Variants in CLPX observed in about 807,000 individuals in gnomAD.
CLPX encodes ATP-dependent clpX-like chaperone, mitochondrial.
In CLPX, 34 loss-of-function variants were observed where a neutral mutation model predicts 76.4. The ratio of observed to expected loss-of-function variants is 0.45; its 90% CI spans 0.34 to 0.59. The LOEUF (loss-of-function observed/expected upper bound fraction) is 0.59. Ranked by LOEUF, CLPX falls within the 20% of genes least tolerant of loss-of-function variation. The probability of loss-of-function intolerance (pLI) is 0.01; values close to 1 mark genes in which losing one functional copy is unlikely to be tolerated. For missense variants in CLPX, 613 were observed against 757.0 expected (o/e 0.81, Z 2.23); for synonymous variants, 248 against 270.9 (o/e 0.92, Z 0.83).
intron 4 of CLPX, 61 bp from the exon 5 acceptor site, chr15:65,164,249 A>G: frequency 2.2e-6 from 3 of 1,362,924 alleles, no homozygotes; most frequent in Non-Finnish European, 2.0e-6. Context: ...CACACATTAA[A>G]AAGTTATTTA....
At chr15:65,174,675 C>T (rs957812092) in intron 3 of CLPX, among the ~76,000 whole-genome samples, 10 of 152,198 alleles carry the variant, frequency 6.6e-5, no homozygotes, top group African/African-American at 2.4e-4. Flanking sequence ...TACAGCTGTC[C>T]CTTGGCACAC....
At chr15:65,179,862 G>A (rs988918702) in intron 2 of CLPX, among the ~76,000 whole-genome samples, 182 bp downstream of exon 2, 2 of 152,150 alleles carry the variant, frequency 1.3e-5, no homozygotes, top group Non-Finnish European at 2.9e-5. Context: ...TATGTGCAAT[G>A]CTTATAAAAG....
chr15:65,152,405 G>T, intron 13 of CLPX, 25 bp downstream of exon 13: 3 of 1,215,556 alleles, frequency 2.5e-6, no homozygotes, highest in Admixed American at 2.5e-5. Flanking sequence ...TTTTGTATCT[G>T]TTCTGGCTTG....
At chr15:65,170,755 A>C (rs1336947593) in intron 3 of CLPX, among the ~76,000 whole-genome samples, 1 of 151,436 alleles carries the variant, frequency 6.6e-6, no homozygotes, top group East Asian at 2.0e-4. Flanking sequence ...AGGCAACAGA[A>C]CTCTGTCTCA....
intron 1 of CLPX, among the ~76,000 whole-genome samples, chr15:65,180,745 T>TA (rs1025242377): frequency 6.7e-5 from 10 of 149,804 alleles, no homozygotes; most frequent in African/African-American, 1.5e-4. Flanking sequence ...CTACTAAAAA[T>TA]AAAAAAAAAT....
At position 65,153,433 on chromosome 15, in the gene CLPX, G is replaced by A. The variant is rs1232595851; in HGVS notation, c.1704+114C>T. On this transcript the variant is annotated intron_variant, in intron 12 of 13. Coordinates refer to ENST00000300107, the MANE Select transcript of CLPX (RefSeq NM_006660.5). ...ATCGCACCACTGCACTCCTTTATTT[G>A]AGACTCTGTCTCAAAATATATATAC... is the stretch of plus-strand genomic sequence containing the variant. 1.6e-5 allele frequency: 11 copies of A among 703,142 alleles called. No homozygotes were observed. The African/African-American group carries it at 1.7e-4, about 11-fold the overall frequency. 43.6% of individuals were successfully genotyped at this position (703,142 alleles called of 1,614,324 possible). A position where few individuals can be genotyped will look rare whatever the true frequency, so the allele number is the denominator to read the frequency against.
chr15:65,178,817 T>G (rs192135822), intron 3 of CLPX, 117 bp downstream of exon 3: 88 of 491,630 alleles, frequency 1.8e-4, no homozygotes, highest in African/African-American at 1.5e-3. Context: ...ATTATAGGCA[T>G]AAGCCGTTTG....
At chr15:65,159,151 T>G (rs1459710690) in intron 6 of CLPX, among the ~76,000 whole-genome samples, 1 of 152,190 alleles carries the variant, frequency 6.6e-6, no homozygotes, top group Non-Finnish European at 1.5e-5. Context: ...TGTTTCCTAA[T>G]CAATAAAATC....
At chr15:65,168,078 A>G (rs2087942017) in intron 3 of CLPX, among the ~76,000 whole-genome samples, 1 of 151,586 alleles carries the variant, frequency 6.6e-6, no homozygotes. Context: ...TGAGGATAAA[A>G]AGAGTCTCTT....
At chr15:65,164,752 ATTC>A (rs891083274) in intron 4 of CLPX, among the ~76,000 whole-genome samples, 8 of 151,898 alleles carry the variant, frequency 5.3e-5, no homozygotes, top group African/African-American at 1.9e-4. Flanking sequence ...TAAAAACTGT[ATTC>A]TTATTTTTTT....
chr15:65,179,255 T>C (rs955071146), intron 2 of CLPX, among the ~76,000 whole-genome samples: 5 of 152,220 alleles, frequency 3.3e-5, no homozygotes, highest in African/African-American at 1.2e-4. Flanking sequence ...TAAATACATA[T>C]ATATCTGCAG....
rs2087919969 is a variant in CLPX at position 65,166,759 on chromosome 15, T to C, written c.385A>G (p.Lys129Glu). The change falls in exon 4 of 14, where the codon AAG (lysine) becomes GAG (glutamate). Residue 129 changes from lysine to glutamate, a missense_variant. This residue lies in a region of CLPX where 450 missense variants were observed against 638.6 expected (regional missense o/e 0.70). Coordinates refer to ENST00000300107, the MANE Select transcript of CLPX (RefSeq NM_006660.5). Reference sequence around the variant, plus strand: ...AGCACAACAAAAAAATGATGACACTTTTCACACTTGACAAAACGGGTGGAT... The same window carrying C: ...AGCACAACAAAAAAATGATGACACTCTTCACACTTGACAAAACGGGTGGAT... ...VSSTRFVKCE[K>E]CHHFFVVLSE... 4 of 1,613,456 alleles carry C rather than the reference T, an allele frequency of 2.5e-6. No homozygotes were observed. Among genetic ancestry groups the C allele is most frequent in the Non-Finnish European group, 3.4e-6 (4 of 1,179,862 alleles).
intron 3 of CLPX, among the ~76,000 whole-genome samples, chr15:65,175,530 AAC>A (rs1310637116): frequency 6.6e-6 from 1 of 152,102 alleles, no homozygotes; most frequent in Non-Finnish European, 1.5e-5. Context: ...CAAACAAAAA[AAC>A]AGGCTGAGTT....
Position 65,150,672 on chromosome 15 carries a change from T to TATAA in CLPX, c.*150_*151insTTAT. On this transcript the variant is annotated 3_prime_UTR_variant, in exon 14 of 14. Coordinates refer to ENST00000300107, the MANE Select transcript of CLPX (RefSeq NM_006660.5). ...TAAAATCAATGTGATGTTACAATTA[T>TATAA]ATACATGATCTGATTCTTCTCCTAA... The TATAA allele has an allele frequency of 2.2e-6, 1 of 461,072 alleles. No individual in the cohort carries two copies. Among genetic ancestry groups the TATAA allele is most frequent in the Non-Finnish European group, 3.9e-6 (1 of 259,426 alleles). 28.6% of individuals were successfully genotyped at this position (461,072 alleles called of 1,614,324 possible).
At chr15:65,160,071 C>T (rs1001059295) in intron 6 of CLPX, among the ~76,000 whole-genome samples, 1 of 152,102 alleles carries the variant, frequency 6.6e-6, no homozygotes, top group Admixed American at 6.5e-5. Context: ...CCTCAGCCTC[C>T]CCAAGTACTG....
chr15:65,181,072 G>A lies in CLPX; in HGVS notation c.80-868C>T, dbSNP rs559409744. Among the ~76,000 whole-genome samples the A allele has an allele frequency of 2.6e-5, 4 of 151,894 alleles. No homozygotes were observed. In the South Asian group the frequency reaches 6.2e-4, roughly 24 times the overall value. ...AAATTAGCTGGGTGTGCTAGCAGGC[G>A]TCTGTAATCCCAGCTACTCAGGAGG... On this transcript the variant is annotated intron_variant, in intron 1 of 13. Coordinates refer to ENST00000300107, the MANE Select transcript of CLPX (RefSeq NM_006660.5).
At position 65,180,083 on chromosome 15, in the gene CLPX, T is replaced by C; in HGVS notation, c.201A>G (p.Lys67=). 2 of 1,611,358 alleles carry C rather than the reference T, an allele frequency of 1.2e-6. No homozygotes were observed. The highest frequency in any genetic ancestry group is 8.5e-7 in the Non-Finnish European group (1 of 1,178,608). ...FTETPAYFAS[K]DGISKDGSGD... is the part of the protein sequence containing the mutation. ...CAGAACCATCTTTACTTATCCCATCTTTTGAGGCAAAGTATGCTGGTGTTT... is the reference window on the plus strand; with the variant it reads ...CAGAACCATCTTTACTTATCCCATCCTTTGAGGCAAAGTATGCTGGTGTTT... The change falls in exon 2 of 14, where the codon AAA becomes AAG. Residue 67 remains lysine, a synonymous_variant. Coordinates refer to ENST00000300107, the MANE Select transcript of CLPX (RefSeq NM_006660.5).
At chr15:65,169,398 A>G (rs1290748366) in intron 3 of CLPX, among the ~76,000 whole-genome samples, 1 of 152,138 alleles carries the variant, frequency 6.6e-6, no homozygotes, top group East Asian at 1.9e-4. Context: ...CACTGAGGCC[A>G]GCCTACTCTT....
chr15:65,185,028 C>G (rs747197323), intron 1 of CLPX, 47 bp downstream of exon 1: 14 of 1,434,960 alleles, frequency 9.8e-6, no homozygotes, highest in Admixed American at 6.1e-5. Flanking sequence ...GCCAGTCCAC[C>G]CCCCCCCCGA....
Sources: gnomAD v4.1 joint callset for allele counts (sites outside exome capture counted in the v4.1 genomes callset) on GRCh38, gnomAD v4.1.1 for gene constraint, gnomAD v4.1.1 regional missense constraint, MANE v1.5 for transcripts, NCBI Gene and HGNC (gene_info 2026-07-23, HGNC 2026-07-21) for gene names.